P3H3: variants seen among roughly 807,000 people sequenced by gnomAD.
P3H3 encodes prolyl 3-hydroxylase 3.
Under a neutral mutation model 78.1 loss-of-function variants are expected in P3H3, and 64 were observed. The ratio of observed to expected loss-of-function variants is 0.82; its 90% CI spans 0.67 to 1.01. The LOEUF (loss-of-function observed/expected upper bound fraction) is 1.01. P3H3 is among the 50% of genes least tolerant of loss of function. The pLI, the probability that P3H3 is intolerant of heterozygous loss-of-function variation, is 0.00. For missense variants in P3H3, 975 were observed against 982.2 expected (o/e 0.99, Z 0.10); for synonymous variants, 425 against 416.7 (o/e 1.02, Z -0.24).
At position 6,830,444 on chromosome 12, in the gene P3H3, C is replaced by T. The variant is rs1555121159; in HGVS notation, c.743C>T (p.Ala248Val). 3.2e-6 allele frequency: 5 copies of T among 1,586,620 alleles called. No homozygotes were observed. The highest frequency in any genetic ancestry group is 1.8e-5 in the Admixed American group (1 of 55,722). The change falls in exon 3 of 15, where the codon GCC (alanine) becomes GTC (valine). Residue 248 changes from alanine to valine, a missense_variant. Transcript: ENST00000290510. The part of the protein sequence containing the change: ...RLEEALQGSL[A>V]QMESCRADCE... ...GAGGAGGCTCTTCAGGGGAGCCTGG[C>T]CCAGATGGAGAGCTGCCGTGCTGAC...
intron 10 of P3H3, 129 bp downstream of exon 10, chr12:6,837,215 C>A: frequency 3.0e-6 from 3 of 1,000,770 alleles, no homozygotes; most frequent in South Asian, 1.6e-5. Context: ...CTGATAGGAC[C>A]CAGCGTGGAG....
intron 12 of P3H3, 42 bp from the exon 13 acceptor site, chr12:6,837,916 T>G (rs1252776533): frequency 6.3e-7 from 1 of 1,592,362 alleles, no homozygotes; most frequent in Non-Finnish European, 8.6e-7. Context: ...GGCCTGGGCC[T>G]GGGTTGGGGT....
At chr12:6,837,603 C>T (rs1555122375) in intron 11 of P3H3, 30 bp downstream of exon 11, 2 of 1,606,336 alleles carry the variant, frequency 1.2e-6, no homozygotes, top group Non-Finnish European at 8.5e-7. Flanking sequence ...CTGCTCTTCT[C>T]CAACCTCAGG....
chr12:6,835,580 G>A (rs1337784324), intron 9 of P3H3, among the ~76,000 whole-genome samples: 4 of 151,598 alleles, frequency 2.6e-5, no homozygotes, highest in East Asian at 1.9e-4. Flanking sequence ...TCAAAACTCC[G>A]CCTCGAAAAA....
In P3H3 at chr12:6,831,872, C is replaced by T; in HGVS notation, c.1170C>T (p.Leu390=). ...GATCCCTGGGGGAGAAGAGGCAGCT[C>T]TACTATGCCATGGAGCACCTGGGGA... The part of the protein sequence containing the change: ...ILRSLGEKRQ[L]YYAMEHLGTS... The change falls in exon 6 of 15, where the codon CTC becomes CTT. Residue 390 remains leucine, a synonymous_variant. Coordinates refer to ENST00000290510, the MANE Select transcript of P3H3 (RefSeq NM_014262.5). The surrounding 1 kb of genome is among the most constrained non-coding windows in gnomAD (Gnocchi z 4.6). 6.2e-7 allele frequency: 1 copy of T among 1,609,138 alleles called. No homozygotes were observed.
Position 6,833,597 on chromosome 12 carries a change from C to G in P3H3, c.1218C>G (p.Pro406=). 6.2e-7 allele frequency: 1 copy of G among 1,613,892 alleles called. No homozygotes were observed. The highest frequency in any genetic ancestry group is 8.5e-7 in the Non-Finnish European group (1 of 1,179,812). Residue 406 remains proline (P), a synonymous_variant, in exon 7 of 15, where the codon CCC becomes CCG. Coordinates refer to ENST00000290510, the MANE Select transcript of P3H3 (RefSeq NM_014262.5). ...HLGTSFKDPD[P]WTPAALIPEA... is the part of the protein sequence containing the mutation. ...GCTTTTCTGGACTGTCGCAGGACCC[C>G]TGGACCCCTGCAGCTCTCATCCCTG...
chr12:6,835,206 A>C (rs1555121932), intron 9 of P3H3, among the ~76,000 whole-genome samples: 1 of 152,210 alleles, frequency 6.6e-6, no homozygotes. Context: ...CTCATCTATA[A>C]AATGAGGATA....
chr12:6,837,111 C>G (rs781976510), intron 10 of P3H3, 25 bp downstream of exon 10: 1 of 1,567,736 alleles, frequency 6.4e-7, no homozygotes. Flanking sequence ...CACCCGGGCC[C>G]GTCTGATGCC....
rs1943427032 is a variant in P3H3 at position 6,829,774 on chromosome 12, GGGGTA to G, written c.499-80_499-76del. ...TCTGGGGCACCCAGAGTGTGTGTCT[GGGGTA>G]GGGTGGGGAGGCTGGCCAGGGGGCA... On this transcript the variant is annotated intron_variant, in intron 1 of 14. Coordinates refer to ENST00000290510, the MANE Select transcript of P3H3 (RefSeq NM_014262.5). The surrounding 1 kb of genome is among the most constrained non-coding windows in gnomAD (Gnocchi z 5.1). The G allele has an allele frequency of 2.1e-6, 3 of 1,458,876 alleles. No individual in the cohort carries two copies. Among genetic ancestry groups the G allele is most frequent in the Non-Finnish European group, 1.9e-6 (2 of 1,048,570 alleles). 90.4% of individuals were successfully genotyped at this position (1,458,876 alleles called of 1,614,324 possible). A position where few individuals can be genotyped will look rare whatever the true frequency, so the allele number is the denominator to read the frequency against.
chr12:6,839,316 AACTGC>A lies in P3H3; in HGVS notation c.2067_2071del (p.Glu689AspfsTer26), dbSNP rs1381368206. Reference sequence around the variant, plus strand: ...CCCCAGGAGTGGATAGAAGCCAAAGAACTGCTGCAGGAGTCACAGGAGGAGGAGGA... The same window carrying A: ...CCCCAGGAGTGGATAGAAGCCAAAGATGCAGGAGTCACAGGAGGAGGAGGA... On this transcript the variant is annotated frameshift_variant, in exon 15 of 15. Coordinates refer to ENST00000290510, the MANE Select transcript of P3H3 (RefSeq NM_014262.5). LOFTEE classifies it high-confidence loss of function. 7.1e-6 allele frequency: 11 copies of A among 1,553,316 alleles called. No homozygotes were observed. The African/African-American group carries it at 1.5e-4, about 21-fold the overall frequency.
In P3H3 at chr12:6,839,692, C is replaced by T. The variant is rs782035283; in HGVS notation, c.*231C>T. The T allele has an allele frequency of 2.5e-4, 143 of 561,394 alleles. No homozygotes were observed. Among genetic ancestry groups the T allele is most frequent in the African/African-American group, 2.4e-3 (128 of 53,524 alleles). The allele number at this position is 561,394 out of a possible 1,614,324, so 34.8% of individuals were successfully genotyped here. On this transcript the variant is annotated 3_prime_UTR_variant, in exon 15 of 15. Transcript: ENST00000290510. ...GCTGGGACGGGGCCCCGCTGCCGGA[C>T]CTGCAGCCCTGGACAGATGGGGAAC...
At chr12:6,832,627 A>G (rs1346063248) in intron 6 of P3H3, among the ~76,000 whole-genome samples, 2 of 151,646 alleles carry the variant, frequency 1.3e-5, no homozygotes, top group Non-Finnish European at 2.9e-5. Flanking sequence ...TTGGAGACAG[A>G]GTCTCACTCT....
intron 13 of P3H3, among the ~76,000 whole-genome samples, chr12:6,838,705 C>T (rs782039225): frequency 5.3e-5 from 8 of 152,198 alleles, no homozygotes; most frequent in Non-Finnish European, 1.2e-4. Context: ...GCTTCAAGCC[C>T]TGGATTCAAA....
chr12:6,837,539 C>A lies in P3H3; in HGVS notation c.1677C>A (p.Ser559=). 1 of 1,612,510 alleles carries A rather than the reference C, an allele frequency of 6.2e-7. No homozygotes were observed. The highest frequency in any genetic ancestry group is 2.2e-5 in the East Asian group (1 of 44,784). Residue 559 remains serine, a synonymous_variant, in exon 11 of 15, where the codon TCC becomes TCA. Coordinates refer to ENST00000290510, the MANE Select transcript of P3H3 (RefSeq NM_014262.5). ...YFSPERPLHL[S]FTHLVCRSAI... ...CCCCGGAACGGCCCCTGCATCTGTCCTTCACCCACCTGGTGTGCCGCAGCG... is the reference window on the plus strand; with the variant it reads ...CCCCGGAACGGCCCCTGCATCTGTCATTCACCCACCTGGTGTGCCGCAGCG...
intron 11 of P3H3, 46 bp downstream of exon 11, chr12:6,837,619 C>T (rs1003904844): frequency 6.3e-7 from 1 of 1,595,538 alleles, no homozygotes; most frequent in Non-Finnish European, 8.5e-7. Flanking sequence ...TCAGGCCCTG[C>T]CCCCAGGACA....
chr12:6,831,254 G>A lies in P3H3; in HGVS notation c.1024G>A (p.Val342Ile), dbSNP rs782801695. 1.2e-6 allele frequency: 2 copies of A among 1,613,868 alleles called. No homozygotes were observed. Among genetic ancestry groups the A allele is most frequent in the Non-Finnish European group, 1.7e-6 (2 of 1,179,848 alleles). Residue 342 changes from valine (V) to isoleucine (I), a missense_variant, in exon 5 of 15, where the codon GTC becomes ATC. By Grantham distance (29) the Val-to-Ile change is conservative. Coordinates refer to ENST00000290510, the MANE Select transcript of P3H3 (RefSeq NM_014262.5). The surrounding 1 kb of genome is among the most constrained non-coding windows in gnomAD (Gnocchi z 4.6). ...LSQAIENVLSVLLFYPEDEAA... is the reference protein window; with the variant it reads ...LSQAIENVLSILLFYPEDEAA... ...CCAGGCTATAGAAAATGTCCTGAGT[G>A]TCCTGCTCTTCTACCCGGAGGATGA...
At position 6,839,438 on chromosome 12, in the gene P3H3, C is replaced by G; in HGVS notation, c.2188C>G (p.Pro730Ala). Reference protein sequence around the residue: ...QRVQDKTGRAPRVREEL With the variant: ...QRVQDKTGRAARVREEL The stretch of plus-strand genomic sequence containing the variant: ...GGTCCAAGACAAGACTGGAAGGGCA[C>G]CTCGGGTTCGGGAGGAGCTGTGAGT... Residue 730 changes from proline (P) to alanine (A), a missense_variant, in exon 15 of 15, where the codon CCT (proline) becomes GCT (alanine). By Grantham distance (27) the Pro-to-Ala change is conservative (BLOSUM62 -1). Transcript: ENST00000290510. The G allele has an allele frequency of 6.4e-7, 1 of 1,551,514 alleles. No individual in the cohort carries two copies. The highest frequency in any genetic ancestry group is 2.4e-5 in the East Asian group (1 of 40,922).
intron 9 of P3H3, among the ~76,000 whole-genome samples, chr12:6,835,410 C>T (rs376062268): frequency 2.0e-5 from 3 of 151,986 alleles, no homozygotes; most frequent in African/African-American, 7.2e-5. Context: ...TGGTGAAACC[C>T]GGTCTTTACT....
chr12:6,832,446 C>T (rs921926221), intron 6 of P3H3, among the ~76,000 whole-genome samples: 4 of 152,026 alleles, frequency 2.6e-5, no homozygotes, highest in Admixed American at 2.6e-4. Context: ...CAGCAGCTTC[C>T]CTGGTCTCTA....
Sources: allele counts gnomAD v4.1 joint callset (sites outside exome capture counted in the v4.1 genomes callset), GRCh38; gene constraint gnomAD v4.1.1; non-coding constraint Gnocchi (gnomAD v3.1); transcripts MANE v1.5; gene names NCBI Gene and HGNC (gene_info 2026-07-23, HGNC 2026-07-21).